Variants in HERC4 observed in about 807,000 individuals in gnomAD.
HERC4 encodes the protein HECT and RLD domain containing E3 ubiquitin protein ligase 4.
A neutral mutation model predicts 124.3 loss-of-function variants in HERC4; 28 were observed. The observed-to-expected ratio is 0.23, with a 90% CI of 0.17 to 0.31. The LOEUF (loss-of-function observed/expected upper bound fraction) is 0.31, where lower values mean the gene tolerates loss of function less well. Ranked by LOEUF, HERC4 falls within the 10% of genes least tolerant of loss-of-function variation. The pLI is 1.00. For missense variants in HERC4, 713 were observed against 1,229.3 expected (o/e 0.58, Z 6.28); for synonymous variants, 407 against 421.5 (o/e 0.97, Z 0.42).
intron 15 of HERC4, among the ~76,000 whole-genome samples, chr10:67,969,870 A>C (rs370367087): frequency 6.6e-6 from 1 of 152,202 alleles, no homozygotes; most frequent in African/African-American, 2.4e-5. Flanking sequence ...ATACCACAAC[A>C]ACCAAGAACC....
At chr10:67,954,872 G>C (rs1274472128) in intron 18 of HERC4, 91 bp downstream of exon 18, 4 of 1,288,158 alleles carry the variant, frequency 3.1e-6, no homozygotes, top group Non-Finnish European at 4.1e-6. Flanking sequence ...TATTTATTAA[G>C]TTTAAAAGAT....
intron 3 of HERC4, chr10:68,069,404 A>G (rs1025401700): frequency 1.0e-6 from 1 of 985,350 alleles, no homozygotes; most frequent in Non-Finnish European, 1.2e-6. Context: ...TAGTGATAGA[A>G]AAGGACATAC....
intron 19 of HERC4, 104 bp from the exon 20 acceptor site, chr10:67,941,209 A>G (rs1219417213): frequency 5.2e-6 from 4 of 764,640 alleles, no homozygotes; most frequent in Non-Finnish European, 7.8e-6. Context: ...ATAGAGAAAA[A>G]AGTAATAAAT....
At chr10:68,048,682 T>C (rs1017530802) in intron 3 of HERC4, among the ~76,000 whole-genome samples, 4 of 152,216 alleles carry the variant, frequency 2.6e-5, no homozygotes, top group Non-Finnish European at 5.9e-5. Flanking sequence ...TCAATGTAGA[T>C]TTGTTGATTT....
chr10:67,995,896 T>C (rs911232044), intron 9 of HERC4: 5 of 192,604 alleles, frequency 2.6e-5, no homozygotes, highest in Admixed American at 1.7e-4. Context: ...TCAAGTAATT[T>C]TCCCCCCCTT....
At chr10:67,927,004 T>A (rs2031057775) in intron 23 of HERC4, among the ~76,000 whole-genome samples, 1 of 152,212 alleles carries the variant, frequency 6.6e-6, no homozygotes, top group South Asian at 2.1e-4. Context: ...AAATACTTGC[T>A]AATGGGCTTC....
At chr10:68,016,443 C>T (rs1233074343) in intron 8 of HERC4, among the ~76,000 whole-genome samples, 1 of 152,142 alleles carries the variant, frequency 6.6e-6, no homozygotes, top group African/African-American at 2.4e-5. Flanking sequence ...ACCTCCGCCT[C>T]CCGGATTCAA....
intron 19 of HERC4, among the ~76,000 whole-genome samples, chr10:67,942,520 T>C (rs1197273546): frequency 6.6e-6 from 1 of 152,146 alleles, no homozygotes; most frequent in Non-Finnish European, 1.5e-5. Flanking sequence ...TGTTTGTTTG[T>C]TTGTTTTTGA....
chr10:68,069,575 A>G (rs1218838669), intron 3 of HERC4: 30 of 985,334 alleles, frequency 3.0e-5, no homozygotes, highest in Admixed American at 6.2e-5. Context: ...TGTCAGGCCA[A>G]GTCCTCCAGT....
At chr10:68,061,944 G>C (rs2052749334) in intron 3 of HERC4, among the ~76,000 whole-genome samples, 1 of 131,946 alleles carries the variant, frequency 7.6e-6, no homozygotes, top group African/African-American at 2.9e-5. Context: ...AAAACAGATA[G>C]AGGTGGCAAC....
chr10:68,069,934 C>T (rs950579235), intron 3 of HERC4: 7 of 433,332 alleles, frequency 1.6e-5, no homozygotes, highest in Non-Finnish European at 2.2e-5. Flanking sequence ...CCCACCTACT[C>T]GGGAGGCCGA....
intron 9 of HERC4, chr10:68,010,684 C>A: frequency 6.8e-7 from 1 of 1,478,526 alleles, no homozygotes. Context: ...GGCCGCGCCG[C>A]TTACACATGT....
At chr10:68,072,841 TAATTATTA>T in intron 3 of HERC4, 34 bp downstream of exon 3, 1 of 1,343,258 alleles carries the variant, frequency 7.4e-7, no homozygotes, top group East Asian at 2.5e-5. Flanking sequence ...TAAAATGATA[TAATTATTA>T]AAAATAGCAA....
In HERC4 at chr10:67,956,874, T is replaced by C; in HGVS notation, c.2025+4A>G. 2 of 1,532,712 alleles carry C rather than the reference T, an allele frequency of 1.3e-6. No individual in the cohort carries two copies. Among genetic ancestry groups the C allele is most frequent in the East Asian group, 4.5e-5 (2 of 44,036 alleles). 94.9% of individuals were successfully genotyped at this position (1,532,712 alleles called of 1,614,324 possible). ...AAAAAAAACCCTCTCAAATAATATT[T>C]TACCTGCATCTGTAAGACTGCATCG... is the stretch of plus-strand genomic sequence containing the variant. On this transcript the variant is annotated splice_donor_region_variant and intron_variant, in intron 17 of 24. Coordinates refer to ENST00000373700, the MANE Select transcript of HERC4 (RefSeq NM_015601.4).
At chr10:67,978,509 A>T (rs1460767180) in intron 15 of HERC4, among the ~76,000 whole-genome samples, 2 of 152,244 alleles carry the variant, frequency 1.3e-5, no homozygotes, top group Non-Finnish European at 2.9e-5. Context: ...GCTCCCAGAC[A>T]GCACCTCTGG....
At chr10:67,978,346 G>A (rs761501938) in intron 15 of HERC4, among the ~76,000 whole-genome samples, 10 of 152,270 alleles carry the variant, frequency 6.6e-5, no homozygotes, top group African/African-American at 9.6e-5. Flanking sequence ...CAGGCCCCTG[G>A]TGACAGTGGC....
At chr10:68,063,068 TC>T (rs145804658) in intron 3 of HERC4, among the ~76,000 whole-genome samples, 115 of 152,286 alleles carry the variant, frequency 7.6e-4, no homozygotes, top group African/African-American at 2.6e-3. Context: ...TACACAGCAC[TC>T]TTGTTTATAC....
intron 3 of HERC4, chr10:68,069,140 C>T (rs1285013666): frequency 2.1e-6 from 2 of 969,110 alleles, no homozygotes; most frequent in African/African-American, 3.5e-5. Flanking sequence ...ATTAGATACA[C>T]AGTAAGAAAA....
chr10:68,045,567 A>T (rs1171021463), intron 3 of HERC4, among the ~76,000 whole-genome samples: 1 of 152,218 alleles, frequency 6.6e-6, no homozygotes, highest in Non-Finnish European at 1.5e-5. Flanking sequence ...ATTGGCCCTT[A>T]AAATACTGGC....
Sources: gnomAD v4.1 joint callset for allele counts (sites outside exome capture counted in the v4.1 genomes callset) on GRCh38, gnomAD v4.1.1 for gene constraint, MANE v1.5 for transcripts, NCBI Gene and HGNC (gene_info 2026-07-23, HGNC 2026-07-21) for gene names.